Variants in RORA observed in about 807,000 individuals in gnomAD.
The protein encoded by RORA is nuclear receptor ROR-alpha.
In RORA, 7 loss-of-function variants were observed where a neutral mutation model predicts 69.5. That is an observed-to-expected ratio of 0.10 (90% CI 0.06 to 0.19). The LOEUF is 0.19. Among genes scored for constraint, RORA ranks in the 10% least tolerant of loss-of-function variants. The pLI, the probability that RORA is intolerant of heterozygous loss-of-function variation, is 1.00. For synonymous variants in RORA, 261 were observed against 240.8 expected, an observed-to-expected ratio of 1.08 and a Z score of -0.78; for missense variants, 457 against 663.0, an observed-to-expected ratio of 0.69 and a Z score of 3.41.
chr15:61,088,553 C>T (rs1279856753), intron 1 of RORA, among the ~76,000 whole-genome samples: 2 of 152,148 alleles, frequency 1.3e-5, no homozygotes, highest in African/African-American at 4.8e-5. Flanking sequence ...GATCTTGATT[C>T]AAATTCTGGC....
intron 3 of RORA, among the ~76,000 whole-genome samples, chr15:60,523,288 C>T (rs932019167): frequency 5.9e-5 from 9 of 152,120 alleles, no homozygotes; most frequent in Admixed American, 1.3e-4. Context: ...AAATATCAAC[C>T]AACATTCATG....
At chr15:60,826,535 A>G (rs192047268) in intron 1 of RORA, among the ~76,000 whole-genome samples, 39 of 152,128 alleles carry the variant, frequency 2.6e-4, no homozygotes, top group African/African-American at 8.9e-4. Flanking sequence ...TAGGCGCTAC[A>G]CTTTTTTTAA....
At chr15:61,219,845 A>G (rs1309718264) in intron 1 of RORA, among the ~76,000 whole-genome samples, 1 of 152,228 alleles carries the variant, frequency 6.6e-6, no homozygotes, top group Non-Finnish European at 1.5e-5. Context: ...ATGAGTGAGT[A>G]TCACATATTT....
At chr15:60,955,397 T>C (rs1033429309) in intron 1 of RORA, among the ~76,000 whole-genome samples, 1 of 152,190 alleles carries the variant, frequency 6.6e-6, no homozygotes, top group Non-Finnish European at 1.5e-5. Context: ...CATTAGGAAA[T>C]ATGATAATAC....
chr15:60,690,839 T>C (rs2070812808), intron 1 of RORA, among the ~76,000 whole-genome samples: 1 of 152,140 alleles, frequency 6.6e-6, no homozygotes, highest in Admixed American at 6.5e-5. Flanking sequence ...GTCTTCCTGT[T>C]ACCATACAGG....
intron 2 of RORA, among the ~76,000 whole-genome samples, chr15:60,612,115 C>A (rs1051416504): frequency 2.2e-4 from 34 of 152,192 alleles, no homozygotes; most frequent in Non-Finnish European, 5.9e-5. Flanking sequence ...TGGATGCTAT[C>A]ACTGAAGTTC....
At chr15:60,571,437 AAAT>A (rs1190739324) in intron 2 of RORA, among the ~76,000 whole-genome samples, 1 of 152,216 alleles carries the variant, frequency 6.6e-6, no homozygotes, top group Non-Finnish European at 1.5e-5. Flanking sequence ...GTGAAAACAC[AAAT>A]AATTGTGCAG....
At chr15:60,526,164 A>C (rs961865709) in intron 3 of RORA, among the ~76,000 whole-genome samples, 16 of 152,150 alleles carry the variant, frequency 1.1e-4, no homozygotes, top group African/African-American at 2.9e-4. Flanking sequence ...AAATCACAGA[A>C]ATTCAGATTT....
rs1383955583 is a variant in RORA at position 60,531,166 on chromosome 15, C to T, written c.282+600G>A. 1 of 152,186 alleles carries T rather than the reference C, an allele frequency of 6.6e-6. No individual in the cohort carries two copies. Among genetic ancestry groups the T allele is most frequent in the African/African-American group, 2.4e-5 (1 of 41,444 alleles). The allele number at this position is 152,186 out of a possible 1,614,324, so 9.4% of individuals were successfully genotyped here. ...CTGTTTGTAAGGACTTTTTTATGTA[C>T]AGGTTCTCCTTCTATTCTTGGAATA... On this transcript the variant is annotated intron_variant, in intron 3 of 10. Transcript: ENST00000335670. The surrounding 1 kb of genome is among the most constrained non-coding windows in gnomAD (Gnocchi z 4.8).
Position 60,537,936 on chromosome 15 carries a change from T to G in RORA, c.197-6085A>C, listed in dbSNP as rs1021590420. The stretch of plus-strand genomic sequence containing the variant: ...GCCTGAGTTTTTGCAGAATTCTATA[T>G]AGTTTTCAAAGTTTTTATCCTTGTT... On this transcript the variant is annotated intron_variant, in intron 2 of 10. Coordinates refer to ENST00000335670, the MANE Select transcript of RORA (RefSeq NM_134261.3). This position sits in a 1 kb window ranked among gnomAD's most constrained non-coding sequence, Gnocchi z 4.9. 1.3e-5 allele frequency among the ~76,000 whole-genome samples: 2 copies of G among 152,190 alleles called. No homozygotes were observed. Among genetic ancestry groups the G allele is most frequent in the African/African-American group, 4.8e-5 (2 of 41,446 alleles).
chr15:60,755,464 T>G (rs2071787582), intron 1 of RORA, among the ~76,000 whole-genome samples: 1 of 152,136 alleles, frequency 6.6e-6, no homozygotes, highest in South Asian at 2.1e-4. Flanking sequence ...TGTGTCTTTA[T>G]AGCAGCATGA....
At chr15:61,140,694 T>G (rs1041608908) in intron 1 of RORA, among the ~76,000 whole-genome samples, 1 of 151,990 alleles carries the variant, frequency 6.6e-6, no homozygotes, top group Non-Finnish European at 1.5e-5. Context: ...AAAAACCTCA[T>G]AGCAGAGGCG....
intron 1 of RORA, among the ~76,000 whole-genome samples, chr15:61,009,608 G>A (rs1895027161): frequency 6.6e-6 from 1 of 152,168 alleles, no homozygotes; most frequent in South Asian, 2.1e-4. Context: ...AGTGAGAAAT[G>A]GAAACATCTG....
chr15:61,099,023 AAAAGT>A (rs1238273370), intron 1 of RORA, among the ~76,000 whole-genome samples: 1 of 152,244 alleles, frequency 6.6e-6, no homozygotes, highest in African/African-American at 2.4e-5. Context: ...GCAGAAAATG[AAAAGT>A]CATCATCAGA....
At chr15:61,039,980 G>C (rs1205324254) in intron 1 of RORA, among the ~76,000 whole-genome samples, 3 of 150,524 alleles carry the variant, frequency 2.0e-5, no homozygotes, top group African/African-American at 7.3e-5. Context: ...AATGCTATTT[G>C]GTAAAGAATT....
At chr15:60,963,357 T>A (rs1046605995) in intron 1 of RORA, among the ~76,000 whole-genome samples, 2 of 152,218 alleles carry the variant, frequency 1.3e-5, no homozygotes, top group Admixed American at 1.3e-4. Context: ...CACTGTTGAC[T>A]AAGCAGAGGT....
intron 2 of RORA, among the ~76,000 whole-genome samples, chr15:60,649,008 T>G (rs2070100590): frequency 6.6e-6 from 1 of 152,176 alleles, no homozygotes; most frequent in African/African-American, 2.4e-5. Flanking sequence ...TCCTCACAGG[T>G]GCTCTTGGCT....
intron 5 of RORA, among the ~76,000 whole-genome samples, chr15:60,510,125 C>G (rs1235321481): frequency 2.6e-5 from 4 of 152,194 alleles, no homozygotes; most frequent in Admixed American, 6.5e-5. Context: ...TTTCTGTGCT[C>G]AAGTCTGAAC....
At chr15:60,962,942 T>C (rs942477905) in intron 1 of RORA, among the ~76,000 whole-genome samples, 1 of 152,166 alleles carries the variant, frequency 6.6e-6, no homozygotes, top group African/African-American at 2.4e-5. Flanking sequence ...TTTGTGGTCA[T>C]GAAAAATAGG....
Sources: gnomAD v4.1 joint callset for allele counts (sites outside exome capture counted in the v4.1 genomes callset) on GRCh38, gnomAD v4.1.1 for gene constraint, Gnocchi (gnomAD v3.1) non-coding constraint, MANE v1.5 for transcripts, NCBI Gene and HGNC (gene_info 2026-07-23, HGNC 2026-07-21) for gene names.